TMEM74B: variants seen among roughly 807,000 people sequenced by gnomAD.
TMEM74B encodes the protein transmembrane protein C20orf46.
TMEM74B carries 7 observed loss-of-function variants against 6.5 expected under a neutral mutation model. The observed-to-expected ratio is 1.07, with a 90% CI of 0.61 to 2.01. The LOEUF (loss-of-function observed/expected upper bound fraction) is 2.01, where lower values mean the gene tolerates loss of function less well. Ranked by LOEUF, TMEM74B falls within the 30% of genes most tolerant of loss-of-function variation. The pLI, the probability that TMEM74B is intolerant of heterozygous loss-of-function variation, is 0.00. For missense variants in TMEM74B, 342 were observed against 337.0 expected (o/e 1.01, Z -0.12); for synonymous variants, 151 against 151.6 (o/e 1.00, Z 0.03).
rs1463600883 is a variant in TMEM74B at position 1,184,149 on chromosome 20, C to T, written c.-148+153G>A. On this transcript the variant is annotated intron_variant, in intron 1 of 2. Transcript: ENST00000429036. This position sits in a 1 kb window ranked among gnomAD's most constrained non-coding sequence, Gnocchi z 6.0. ...CCTGGAGTGGCCCAGGAACCCCTTTCCCAGACTGATATATTGATGCCTCCA... is the reference window on the plus strand; with the variant it reads ...CCTGGAGTGGCCCAGGAACCCCTTTTCCAGACTGATATATTGATGCCTCCA... 3 of 238,170 alleles carry T rather than the reference C, an allele frequency of 1.3e-5. No individual in the cohort carries two copies. Among genetic ancestry groups the T allele is most frequent in the Non-Finnish European group, 2.4e-5 (3 of 122,944 alleles). 14.8% of individuals were successfully genotyped at this position (238,170 alleles called of 1,614,324 possible).
chr20:1,182,761 G>A lies in TMEM74B; in HGVS notation c.31+1010C>T, dbSNP rs991431681. 5.9e-5 allele frequency among the ~76,000 whole-genome samples: 9 copies of A among 152,124 alleles called. No homozygotes were observed. The South Asian group carries it at 6.2e-4, about 11-fold the overall frequency. On this transcript the variant is annotated intron_variant, in intron 2 of 2. Transcript: ENST00000429036. The stretch of plus-strand genomic sequence containing the variant: ...ACACAGACAGCACATGTGCATTCCC[G>A]CTGAAGGATACTGACTTACAGCCCG...
chr20:1,182,533 G>A (rs1199238185), intron 2 of TMEM74B, among the ~76,000 whole-genome samples: 2 of 152,124 alleles, frequency 1.3e-5, no homozygotes, highest in East Asian at 1.9e-4. Flanking sequence ...GTTGGGGATG[G>A]CATGGCTAAA....
chr20:1,183,316 T>TTGTG (rs755754000), intron 2 of TMEM74B, among the ~76,000 whole-genome samples: 14 of 95,630 alleles, frequency 1.5e-4, no homozygotes, highest in African/African-American at 3.9e-4. Flanking sequence ...GTGTGTGTGT[T>TTGTG]TGTGTGTGTG....
At position 1,181,076 on chromosome 20, in the gene TMEM74B, G is replaced by A. The variant is rs1364749075; in HGVS notation, c.543C>T (p.Leu181=). ...GCATGCCGCCCACCGTGAGCAGCCC[G>A]AGGCCTGCGATGATGCACCTGTCCA... ...SHLDRCIIAG[L]GLLTVGGMLL... The change falls in exon 3 of 3, where the codon CTC becomes CTT. Residue 181 remains leucine, a synonymous_variant. Transcript: ENST00000429036. This position sits in a 1 kb window ranked among gnomAD's most constrained non-coding sequence, Gnocchi z 4.9. 9.9e-6 allele frequency: 16 copies of A among 1,613,716 alleles called. No homozygotes were observed. The highest frequency in any genetic ancestry group is 4.5e-5 in the East Asian group (2 of 44,886).
chr20:1,185,766 C>T (rs2087009118), upstream of TMEM74B, among the ~76,000 whole-genome samples: 1 of 151,938 alleles, frequency 6.6e-6, no homozygotes. Flanking sequence ...CCCTATTGCG[C>T]CAAGCGCAGG....
rs149321298 is a variant in TMEM74B, at chr20:1,181,185, C to G, written c.434G>C (p.Arg145Pro). The change falls in exon 3 of 3, where the codon CGT (arginine) becomes CCT (proline). Residue 145 changes from arginine to proline, a missense_variant. Coordinates refer to ENST00000429036, the MANE Select transcript of TMEM74B (RefSeq NM_001304748.2). The surrounding 1 kb of genome is among the most constrained non-coding windows in gnomAD (Gnocchi z 4.9). ...TGTGTCCGGATTGACTCGAGCCTCA[C>G]GGGGGATGGCGTATGCTGTCACCAC... ...LLVVTAYAIP[R>P]EARVNPDTVT... 1 of 1,614,178 alleles carries G rather than the reference C, an allele frequency of 6.2e-7. No homozygotes were observed.
rs1568493040 is a variant in TMEM74B at position 1,181,034 on chromosome 20, GAGC to G, written c.582_584del (p.Leu195del). On this transcript the variant is annotated inframe_deletion, in exon 3 of 3. Coordinates refer to ENST00000429036, the MANE Select transcript of TMEM74B (RefSeq NM_001304748.2). This position sits in a 1 kb window ranked among gnomAD's most constrained non-coding sequence, Gnocchi z 4.9. ...GCTCGCCCTTGCACAGGGAGACCAT[GAGC>G]AGCACCGACAAGAGCATGCCGCCCA... 1.2e-6 allele frequency: 2 copies of G among 1,613,720 alleles called. No homozygotes were observed. Among genetic ancestry groups the G allele is most frequent in the East Asian group, 4.5e-5 (2 of 44,870 alleles).
upstream of TMEM74B, among the ~76,000 whole-genome samples, chr20:1,188,112 T>A (rs1043000155): frequency 6.6e-6 from 1 of 151,776 alleles, no homozygotes; most frequent in Non-Finnish European, 1.5e-5. Context: ...TAGCTTAATA[T>A]AGATGCAGAT....
At chr20:1,186,313 G>A (rs574287720), upstream of TMEM74B, 2 of 152,396 alleles carry the variant, frequency 1.3e-5, no homozygotes, top group Non-Finnish European at 1.5e-5. Flanking sequence ...TGTGAAAAGG[G>A]GTGACTTTCA....
rs2086840996 is a variant in TMEM74B at position 1,180,857 on chromosome 20, C to T, written c.762G>A (p.Gln254=). ...TAAGGTGGGCTAGTTCTTAAGACCTCTGGAGGGTGTGGCTAGTCTCTGAGA... is the reference window on the plus strand; with the variant it reads ...TAAGGTGGGCTAGTTCTTAAGACCTTTGGAGGGTGTGGCTAGTCTCTGAGA... The part of the protein sequence containing the change: ...VQVSETSHTL[Q]RS Residue 254 remains glutamine, a synonymous_variant, in exon 3 of 3, where the codon CAG becomes CAA. Transcript: ENST00000429036. The surrounding 1 kb of genome is among the most constrained non-coding windows in gnomAD (Gnocchi z 6.1). 6.3e-7 allele frequency: 1 copy of T among 1,590,530 alleles called. No individual in the cohort carries two copies. The highest frequency in any genetic ancestry group is 1.1e-5 in the South Asian group (1 of 88,210).
At chr20:1,187,779 C>T (rs759976594), upstream of TMEM74B, among the ~76,000 whole-genome samples, 2 of 152,138 alleles carry the variant, frequency 1.3e-5, no homozygotes, top group Non-Finnish European at 2.9e-5. Context: ...TCATGGAGGG[C>T]CTGATAAGGA....
Position 1,181,671 on chromosome 20 carries a change from A to C in TMEM74B, c.32-84T>G. ...ATCATACCAGTCCCTAAGCACATGA[A>C]GGTGAGTCAGGCACAATTCCCACTT... On this transcript the variant is annotated intron_variant, in intron 2 of 2. Transcript: ENST00000429036. The surrounding 1 kb of genome is among the most constrained non-coding windows in gnomAD (Gnocchi z 4.9). 1 of 1,371,656 alleles carries C rather than the reference A, an allele frequency of 7.3e-7. No homozygotes were observed. Among genetic ancestry groups the C allele is most frequent in the Non-Finnish European group, 9.4e-7 (1 of 1,062,842 alleles). The allele number at this position is 1,371,656 out of a possible 1,614,324, so 85.0% of individuals were successfully genotyped here.
At chr20:1,183,273 G>A (rs1282183893) in intron 2 of TMEM74B, among the ~76,000 whole-genome samples, 1 of 149,330 alleles carries the variant, frequency 6.7e-6, no homozygotes, top group Non-Finnish European at 1.5e-5. Flanking sequence ...ATTCTCCAGT[G>A]CACTGTGGTT....
chr20:1,181,220 C>T lies in TMEM74B; in HGVS notation c.399G>A (p.Gly133=). 1.9e-6 allele frequency: 3 copies of T among 1,614,190 alleles called. No individual in the cohort carries two copies. The highest frequency in any genetic ancestry group is 1.1e-5 in the South Asian group (1 of 91,076). Reference sequence around the variant, plus strand: ...CGTATGCTGTCACCACCAGAAGAATCCCACTCACCAGGAAAACGAGGGCGG... The same window carrying T: ...CGTATGCTGTCACCACCAGAAGAATTCCACTCACCAGGAAAACGAGGGCGG... ...FVSALVFLVS[G]ILLVVTAYAI... is the part of the protein sequence containing the mutation. The change falls in exon 3 of 3, where the codon GGG becomes GGA. Residue 133 remains glycine (G), a synonymous_variant. Transcript: ENST00000429036. This position sits in a 1 kb window ranked among gnomAD's most constrained non-coding sequence, Gnocchi z 4.9.
At chr20:1,185,675 G>A (rs2087005725), upstream of TMEM74B, among the ~76,000 whole-genome samples, 1 of 151,930 alleles carries the variant, frequency 6.6e-6, no homozygotes, top group South Asian at 2.1e-4. Flanking sequence ...GGGAACTGGG[G>A]CTTGGAGCCC....
At position 1,181,311 on chromosome 20, in the gene TMEM74B, G is replaced by C; in HGVS notation, c.308C>G (p.Ser103Cys). ...GGCTGGCCCCTCCTCTGAATGAAGG[G>C]ACAGATCATCCCGCTGGGATCGGGG... ...SLPRSQRDDL[S>C]LHSEEGPALE... The change falls in exon 3 of 3, where the codon TCC becomes TGC. Residue 103 changes from serine to cysteine, a missense_variant. By Grantham distance (112) the Ser-to-Cys change is moderately radical (BLOSUM62 -1). Coordinates refer to ENST00000429036, the MANE Select transcript of TMEM74B (RefSeq NM_001304748.2). This position sits in a 1 kb window ranked among gnomAD's most constrained non-coding sequence, Gnocchi z 4.9. 6.2e-7 allele frequency: 1 copy of C among 1,609,814 alleles called. No homozygotes were observed. The highest frequency in any genetic ancestry group is 8.5e-7 in the Non-Finnish European group (1 of 1,177,548).
At chr20:1,186,989 G>C (rs967785504), upstream of TMEM74B, among the ~76,000 whole-genome samples, 2 of 152,218 alleles carry the variant, frequency 1.3e-5, no homozygotes, top group Non-Finnish European at 2.9e-5. Context: ...GGAATGGGAT[G>C]AGATACCGCC....
chr20:1,183,606 C>CCCGA (rs1387162051), intron 2 of TMEM74B, among the ~76,000 whole-genome samples, 165 bp downstream of exon 2: 1 of 152,094 alleles, frequency 6.6e-6, no homozygotes, highest in African/African-American at 2.4e-5. Flanking sequence ...GAGCCATGTA[C>CCCGA]CCGACACTTC....
At chr20:1,185,940 T>C (rs2087014426), upstream of TMEM74B, among the ~76,000 whole-genome samples, 2 of 151,764 alleles carry the variant, frequency 1.3e-5, no homozygotes, top group African/African-American at 4.8e-5. Flanking sequence ...ACCTGAAGGC[T>C]GCAAGAAAGA....
Sources: gnomAD v4.1 joint callset for allele counts (sites outside exome capture counted in the v4.1 genomes callset) on GRCh38, gnomAD v4.1.1 for gene constraint, Gnocchi (gnomAD v3.1) non-coding constraint, MANE v1.5 for transcripts, NCBI Gene and HGNC (gene_info 2026-07-23, HGNC 2026-07-21) for gene names.